TLK1: variants seen among roughly 807,000 people sequenced by gnomAD.
TLK1 encodes serine/threonine-protein kinase tousled-like 1.
Under a neutral mutation model 105.3 loss-of-function variants are expected in TLK1, and 24 were observed. The ratio of observed to expected loss-of-function variants is 0.23; its 90% confidence interval spans 0.17 to 0.32. The LOEUF is 0.32. TLK1 is among the 10% of genes least tolerant of loss of function. TLK1 has a pLI of 1.00. For synonymous variants in TLK1, 321 were observed against 310.4 expected (o/e 1.03, Z -0.36); for missense variants, 558 against 910.5 (o/e 0.61, Z 4.98).
At position 171,000,351 on chromosome 2, in the gene TLK1, C is replaced by T. The variant is rs1012055898; in HGVS notation, c.1905-2528G>A. On this transcript the variant is annotated intron_variant, in intron 18 of 20. Coordinates refer to ENST00000431350, the MANE Select transcript of TLK1 (RefSeq NM_012290.5). Reference sequence around the variant, plus strand: ...CCAAGACTGTGCCATTGCACTGCAGCCTGGGTGACAGAGCGAAACTCTGTC... The same window carrying T: ...CCAAGACTGTGCCATTGCACTGCAGTCTGGGTGACAGAGCGAAACTCTGTC... 3.0e-4 allele frequency among the ~76,000 whole-genome samples: 42 copies of T among 140,500 alleles called. 1 individual carries two copies. In the South Asian group the frequency reaches 3.2e-3, roughly 11 times the overall value. 92.2% of individuals were successfully genotyped at this position (140,500 alleles called of 152,430 possible).
At chr2:171,221,004 G>C (rs757107935) in intron 1 of TLK1, among the ~76,000 whole-genome samples, 4 of 152,074 alleles carry the variant, frequency 2.6e-5, no homozygotes, top group Non-Finnish European at 4.4e-5. Flanking sequence ...TGGGCAAGTT[G>C]GTGAGTCCCT....
chr2:171,142,252 T>C (rs898930721), intron 1 of TLK1, among the ~76,000 whole-genome samples: 2 of 151,892 alleles, frequency 1.3e-5, no homozygotes, highest in African/African-American at 4.8e-5. Flanking sequence ...TAAGAGAAAG[T>C]TCAAACAGGA....
chr2:171,160,553 G>T lies in TLK1; in HGVS notation c.-125C>A, dbSNP rs1438156151. 6.7e-7 allele frequency: 1 copy of T among 1,483,260 alleles called. No individual in the cohort carries two copies. Among genetic ancestry groups the T allele is most frequent in the Non-Finnish European group, 9.0e-7 (1 of 1,106,324 alleles). 91.9% of individuals were successfully genotyped at this position (1,483,260 alleles called of 1,614,324 possible). On this transcript the variant is annotated 5_prime_UTR_variant, in exon 1 of 21. Transcript: ENST00000431350. This position sits in a 1 kb window ranked among gnomAD's most constrained non-coding sequence, Gnocchi z 4.4. ...AGCGAGAGAGCGAGGGCTGGGAGGG[G>T]AGAGTCAAGGGGATGGGGGAGGAAA...
At chr2:171,126,488 C>T (rs1690872598) in intron 1 of TLK1, among the ~76,000 whole-genome samples, 1 of 152,104 alleles carries the variant, frequency 6.6e-6, no homozygotes, top group Admixed American at 6.6e-5. Flanking sequence ...ATAGTTATAT[C>T]ACCTGTATTT....
intron 2 of TLK1, among the ~76,000 whole-genome samples, chr2:171,090,342 C>T (rs1241291356): frequency 6.9e-6 from 1 of 145,768 alleles, no homozygotes; most frequent in Non-Finnish European, 1.5e-5. Flanking sequence ...AATCAATGAC[C>T]TTAACTAATT....
intron 2 of TLK1, among the ~76,000 whole-genome samples, chr2:171,105,668 C>G (rs560852446): frequency 2.6e-5 from 4 of 151,560 alleles, no homozygotes; most frequent in African/African-American, 9.7e-5. Flanking sequence ...AGCCTGGCGA[C>G]AGAGCGAGAC....
chr2:171,125,338 G>A (rs1690823815), intron 1 of TLK1, among the ~76,000 whole-genome samples: 1 of 152,120 alleles, frequency 6.6e-6, no homozygotes, highest in Non-Finnish European at 1.5e-5. Flanking sequence ...CAGCTCTAGT[G>A]TCACTTCATA....
intron 3 of TLK1, among the ~76,000 whole-genome samples, chr2:171,077,874 A>G (rs2105470996): frequency 6.6e-6 from 1 of 152,364 alleles, no homozygotes; most frequent in East Asian, 1.9e-4. Flanking sequence ...TCATGAGCTA[A>G]TGAAAGTTAA....
intron 1 of TLK1, among the ~76,000 whole-genome samples, chr2:171,169,186 A>G (rs890038926): frequency 6.6e-6 from 1 of 152,154 alleles, no homozygotes; most frequent in South Asian, 2.1e-4. Context: ...TTCTCTTTGT[A>G]CACAAAGATA....
At chr2:171,029,397 A>G (rs1375217597) in intron 11 of TLK1, among the ~76,000 whole-genome samples, 2 of 152,232 alleles carry the variant, frequency 1.3e-5, no homozygotes, top group Non-Finnish European at 2.9e-5. Context: ...TGGGAGGCTG[A>G]GGCAGGTGGA....
intron 8 of TLK1, among the ~76,000 whole-genome samples, chr2:171,050,641 C>T (rs1456029606): frequency 1.3e-5 from 2 of 152,158 alleles, no homozygotes; most frequent in Non-Finnish European, 2.9e-5. Flanking sequence ...ATTTTCTCCA[C>T]TGAACTTATA....
intron 3 of TLK1, among the ~76,000 whole-genome samples, chr2:171,064,151 G>C (rs1285941166): frequency 6.6e-6 from 1 of 152,058 alleles, no homozygotes; most frequent in African/African-American, 2.4e-5. Flanking sequence ...TTAAACCAGA[G>C]AAGAATTTAC....
intron 3 of TLK1, among the ~76,000 whole-genome samples, chr2:171,070,025 C>T (rs982262890): frequency 8.5e-5 from 13 of 152,096 alleles, no homozygotes; most frequent in Admixed American, 5.2e-4. Context: ...AGCCTATTAA[C>T]GAGGTGGGTA....
At chr2:170,995,819 C>T (rs1217330179) in intron 20 of TLK1, among the ~76,000 whole-genome samples, 5 of 152,120 alleles carry the variant, frequency 3.3e-5, no homozygotes, top group African/African-American at 1.2e-4. Flanking sequence ...CCTCCCAGCT[C>T]AGCATCCTGA....
chr2:171,162,020 T>C (rs759205345), upstream of TLK1, among the ~76,000 whole-genome samples: 8 of 152,258 alleles, frequency 5.3e-5, no homozygotes, highest in Non-Finnish European at 1.0e-4. Flanking sequence ...TTCTATTTTT[T>C]ATTTTTATGA....
At chr2:171,199,757 T>C (rs1693363081) in intron 1 of TLK1, among the ~76,000 whole-genome samples, 1 of 152,134 alleles carries the variant, frequency 6.6e-6, no homozygotes, top group Non-Finnish European at 1.5e-5. Flanking sequence ...AATCTGAAAA[T>C]TTCAGAGCCT....
At chr2:171,221,044 T>A (rs1157157813) in intron 1 of TLK1, among the ~76,000 whole-genome samples, 1 of 152,062 alleles carries the variant, frequency 6.6e-6, no homozygotes, top group African/African-American at 2.4e-5. Flanking sequence ...GAAACAAATT[T>A]CCACAGAGAA....
At chr2:171,088,004 A>C (rs1033994943) in intron 2 of TLK1, among the ~76,000 whole-genome samples, 2 of 152,196 alleles carry the variant, frequency 1.3e-5, no homozygotes, top group Admixed American at 1.3e-4. Context: ...TAAGTCCCTC[A>C]GAGAAATGAC....
intron 1 of TLK1, among the ~76,000 whole-genome samples, chr2:171,143,814 CA>C (rs967019557): frequency 6.6e-6 from 1 of 151,712 alleles, no homozygotes; most frequent in African/African-American, 2.4e-5. Flanking sequence ...CTATAGAAAA[CA>C]AAACAAAGTG....
Sources: allele counts gnomAD v4.1 joint callset (sites outside exome capture counted in the v4.1 genomes callset), GRCh38; gene constraint gnomAD v4.1.1; non-coding constraint Gnocchi (gnomAD v3.1); transcripts MANE v1.5; gene names NCBI Gene and HGNC (gene_info 2026-07-23, HGNC 2026-07-21).